Variants in CADM2 observed in about 807,000 individuals in gnomAD.
CADM2 encodes the protein cell adhesion molecule 2, also known as immunoglobulin superfamily member 4D.
CADM2 carries 12 observed loss-of-function variants against 49.8 expected under a neutral mutation model. That is an observed-to-expected ratio of 0.24 (90% confidence interval 0.15 to 0.39). The LOEUF is 0.39. Among genes scored for constraint, CADM2 ranks in the 10% least tolerant of loss-of-function variants. CADM2 has a pLI of 1.00. For missense variants in CADM2, 378 were observed against 492.3 expected (o/e 0.77, Z 2.20); for synonymous variants, 214 against 175.4 (o/e 1.22, Z -1.74).
rs1264474433 is a variant in CADM2 at position 85,975,224 on chromosome 3, A to T, written c.970+13577A>T. 4.0e-5 allele frequency among the ~76,000 whole-genome samples: 6 copies of T among 151,402 alleles called. No individual in the cohort carries two copies. The East Asian group carries it at 1.2e-3, about 29-fold the overall frequency. The stretch of plus-strand genomic sequence containing the variant: ...ATTATTTATTTTAATATACCATGAT[A>T]TGTGGTATTTAGTATGTGGTGAGAA... On this transcript the variant is annotated intron_variant, in intron 8 of 9. Transcript: ENST00000383699.
At chr3:85,243,646 G>A (rs1252855123) in intron 1 of CADM2, among the ~76,000 whole-genome samples, 2 of 152,012 alleles carry the variant, frequency 1.3e-5, no homozygotes, top group East Asian at 1.9e-4. Flanking sequence ...TGGAGTGGGG[G>A]TACCAGAGTG....
intron 1 of CADM2, among the ~76,000 whole-genome samples, chr3:85,207,661 T>C (rs910272802): frequency 6.6e-6 from 1 of 152,142 alleles, no homozygotes; most frequent in African/African-American, 2.4e-5. Flanking sequence ...ATGTATGATT[T>C]AAAGTAGGTG....
chr3:85,794,573 T>A (rs2071514241), intron 2 of CADM2, among the ~76,000 whole-genome samples: 1 of 152,068 alleles, frequency 6.6e-6, no homozygotes, highest in African/African-American at 2.4e-5. Context: ...CTTCTAAGAT[T>A]CCCAACTGAA....
At chr3:85,637,342 C>T (rs2064528870) in intron 1 of CADM2, among the ~76,000 whole-genome samples, 1 of 151,756 alleles carries the variant, frequency 6.6e-6, no homozygotes, top group Non-Finnish European at 1.5e-5. Flanking sequence ...GTGGCTCACG[C>T]CTGTAATCCC....
intron 2 of CADM2, among the ~76,000 whole-genome samples, chr3:85,772,676 A>G (rs1319629237): frequency 2.6e-5 from 4 of 152,096 alleles, no homozygotes; most frequent in African/African-American, 9.7e-5. Context: ...AGATTAACCA[A>G]GAAGTTCAGT....
chr3:85,400,454 C>G (rs1383215353), intron 1 of CADM2, among the ~76,000 whole-genome samples: 2 of 152,228 alleles, frequency 1.3e-5, no homozygotes, highest in East Asian at 3.9e-4. Flanking sequence ...CAGGATGATA[C>G]TGGCCTCATA....
At chr3:85,351,404 T>A (rs1300243542) in intron 1 of CADM2, among the ~76,000 whole-genome samples, 1 of 152,156 alleles carries the variant, frequency 6.6e-6, no homozygotes, top group Non-Finnish European at 1.5e-5. Context: ...AGAAAAAAGC[T>A]GGTGCTTCTT....
chr3:85,003,015 C>G (rs1035257575), intron 1 of CADM2, among the ~76,000 whole-genome samples: 1 of 152,072 alleles, frequency 6.6e-6, no homozygotes, highest in Non-Finnish European at 1.5e-5. Context: ...AGGCTTGTCT[C>G]AAACTCCTGG....
At chr3:85,948,757 C>T (rs1327562815) in intron 7 of CADM2, among the ~76,000 whole-genome samples, 1 of 151,028 alleles carries the variant, frequency 6.6e-6, no homozygotes, top group Non-Finnish European at 1.5e-5. Context: ...CAAACAATGC[C>T]AGTGTTTAAA....
chr3:85,031,821 A>G (rs959003153), intron 1 of CADM2, among the ~76,000 whole-genome samples: 41 of 152,116 alleles, frequency 2.7e-4, no homozygotes, highest in Admixed American at 1.6e-3. Flanking sequence ...CGCCCGGCCC[A>G]GATGTTTCTT....
At chr3:85,768,473 T>A (rs369321831) in intron 2 of CADM2, among the ~76,000 whole-genome samples, 2 of 105,336 alleles carry the variant, frequency 1.9e-5, no homozygotes, top group African/African-American at 8.6e-5. Context: ...AAATAAATAA[T>A]AAATAAATAA....
At chr3:85,813,865 C>T (rs4615092) in intron 3 of CADM2, among the ~76,000 whole-genome samples, 107,103 of 151,912 alleles carry the variant, frequency 0.71, 39,306 homozygotes, top group African/African-American at 0.92. Flanking sequence ...GTGGTGTTAT[C>T]TCTGAGGCCT....
intron 1 of CADM2, among the ~76,000 whole-genome samples, chr3:85,693,254 CA>C (rs1184830185): frequency 1.3e-5 from 2 of 150,276 alleles, no homozygotes; most frequent in Non-Finnish European, 3.0e-5. Context: ...AAACAAGAAA[CA>C]AAAAACAAGG....
At chr3:85,628,588 T>A (rs1039917988) in intron 1 of CADM2, among the ~76,000 whole-genome samples, 1 of 138,932 alleles carries the variant, frequency 7.2e-6, no homozygotes, top group Non-Finnish European at 1.5e-5. Context: ...CACACATATA[T>A]ATACATATAT....
intron 1 of CADM2, among the ~76,000 whole-genome samples, chr3:85,300,365 T>C (rs1210412949): frequency 6.6e-6 from 1 of 152,166 alleles, no homozygotes; most frequent in Admixed American, 6.6e-5. Flanking sequence ...CTATTTTTTG[T>C]GTTACAATAT....
intron 1 of CADM2, among the ~76,000 whole-genome samples, chr3:85,294,649 A>G (rs1420856741): frequency 1.3e-5 from 2 of 151,782 alleles, no homozygotes; most frequent in Non-Finnish European, 1.5e-5. Context: ...ATCTACAACT[A>G]TCTGATCTTT....
At chr3:85,204,231 A>G (rs1309503197) in intron 1 of CADM2, among the ~76,000 whole-genome samples, 1 of 152,180 alleles carries the variant, frequency 6.6e-6, no homozygotes, top group Non-Finnish European at 1.5e-5. Flanking sequence ...CAGATATTTT[A>G]ATCAGTTTAA....
At chr3:85,290,185 C>T (rs2043747468) in intron 1 of CADM2, among the ~76,000 whole-genome samples, 1 of 152,160 alleles carries the variant, frequency 6.6e-6, no homozygotes, top group African/African-American at 2.4e-5. Context: ...GTGACAGGCA[C>T]CTGGAAAATC....
intron 6 of CADM2, among the ~76,000 whole-genome samples, chr3:85,924,597 AAAT>A (rs1719586023): frequency 6.7e-6 from 1 of 149,828 alleles, no homozygotes; most frequent in Non-Finnish European, 1.5e-5. Context: ...ATCTAAAAAT[AAAT>A]AAATAAATAA....
Sources: gnomAD v4.1 joint callset for allele counts (sites outside exome capture counted in the v4.1 genomes callset) on GRCh38, gnomAD v4.1.1 for gene constraint, MANE v1.5 for transcripts, NCBI Gene and HGNC (gene_info 2026-07-23, HGNC 2026-07-21) for gene names.